PCDHGA4: variants seen among roughly 807,000 people sequenced by gnomAD.
PCDHGA4 encodes the protein protocadherin gamma subfamily A, 4.
PCDHGA4 carries 38 observed loss-of-function variants against 54.6 expected under a neutral mutation model. That is an observed-to-expected ratio of 0.70 (90% confidence interval 0.54 to 0.91). The LOEUF (loss-of-function observed/expected upper bound fraction) is 0.91, where lower values mean the gene tolerates loss of function less well. PCDHGA4 is among the 40% of genes least tolerant of loss of function. The pLI is 0.00. For synonymous variants in PCDHGA4, 511 were observed against 512.9 expected (o/e 1.00, Z 0.05); for missense variants, 1,298 against 1,220.9 (o/e 1.06, Z -0.94).
intron 1 of PCDHGA4, chr5:141,427,247 T>C (rs1409945260): frequency 2.2e-6 from 1 of 456,582 alleles, no homozygotes; most frequent in Non-Finnish European, 4.4e-6. Context: ...AAGCTAAGGA[T>C]GGTGGAGGCA....
In PCDHGA4 at chr5:141,356,461, A is replaced by G; in HGVS notation, c.1354A>G (p.Thr452Ala). 1.2e-6 allele frequency: 2 copies of G among 1,613,614 alleles called. No individual in the cohort carries two copies. Among genetic ancestry groups the G allele is most frequent in the Non-Finnish European group, 1.7e-6 (2 of 1,179,694 alleles). ...GGAAGAAGTCTCAGAATATAACATC[A>G]CTGTAACTGCCACTGACCAGGGAAC... The part of the protein sequence containing the change: ...DREEVSEYNI[T>A]VTATDQGTPP... The change falls in exon 1 of 4, where the codon ACT becomes GCT. Residue 452 changes from threonine (T) to alanine (A), a missense_variant. Coordinates refer to ENST00000571252, the MANE Select transcript of PCDHGA4 (RefSeq NM_018917.4).
At position 141,419,294 on chromosome 5, in the gene PCDHGA4, C is replaced by T. The variant is rs770303087; in HGVS notation, c.2514+61673C>T. ...CATAGCGCAAGTCAGTGCCTCTGAC[C>T]CAGACTTCGGGCTCAACGGCCGTGT... On this transcript the variant is annotated intron_variant, in intron 1 of 3. Transcript: ENST00000571252. The T allele has an allele frequency of 1.9e-6, 3 of 1,614,036 alleles. No homozygotes were observed. Among genetic ancestry groups the T allele is most frequent in the East Asian group, 2.2e-5 (1 of 44,886 alleles).
intron 1 of PCDHGA4, among the ~76,000 whole-genome samples, chr5:141,456,287 C>T (rs951430060): frequency 1.3e-5 from 2 of 152,048 alleles, no homozygotes; most frequent in Non-Finnish European, 2.9e-5. Flanking sequence ...TGAAAAGGGG[C>T]GTCTAATGGA....
chr5:141,492,942 G>A (rs897160295), intron 1 of PCDHGA4, among the ~76,000 whole-genome samples: 3 of 152,220 alleles, frequency 2.0e-5, no homozygotes, highest in African/African-American at 7.2e-5. Context: ...GAGATTTGGA[G>A]GTGACCAAAC....
Position 141,491,900 on chromosome 5 carries a change from G to T in PCDHGA4, c.2515-2907G>T. The T allele has an allele frequency of 7.0e-7, 1 of 1,429,936 alleles. No homozygotes were observed. The highest frequency in any genetic ancestry group is 1.5e-5 in the South Asian group (1 of 67,072). 88.6% of individuals were successfully genotyped at this position (1,429,936 alleles called of 1,614,324 possible). A position where few individuals can be genotyped will look rare whatever the true frequency, so the allele number is the denominator to read the frequency against. ...TAAGGGATGGGGCTCCGAGCACCGG[G>T]GGTGGTGGCGACTGTGGGCGAGGGG... On this transcript the variant is annotated intron_variant, in intron 1 of 3. Transcript: ENST00000571252. This position sits in a 1 kb window ranked among gnomAD's most constrained non-coding sequence, Gnocchi z 6.9.
intron 1 of PCDHGA4, among the ~76,000 whole-genome samples, chr5:141,448,117 A>G (rs564444141): frequency 6.6e-6 from 1 of 152,094 alleles, no homozygotes; most frequent in Non-Finnish European, 1.5e-5. Flanking sequence ...AAAGAAAATT[A>G]GCCTCCCCCA....
In PCDHGA4 at chr5:141,361,046, A is replaced by T. The variant is rs779477758; in HGVS notation, c.2514+3425A>T. ...GAAAAAACAGGAGAAATCACGACAA[A>T]GGATGATTTGGATTTTGAGATTGCA... On this transcript the variant is annotated intron_variant, in intron 1 of 3. Transcript: ENST00000571252. The T allele has an allele frequency of 7.4e-6, 12 of 1,613,592 alleles. No individual in the cohort carries two copies. The highest frequency in any genetic ancestry group is 9.3e-6 in the Non-Finnish European group (11 of 1,179,716).
In PCDHGA4 at chr5:141,432,976, C is replaced by T; in HGVS notation, c.2515-61831C>T. 1 of 1,614,210 alleles carries T rather than the reference C, an allele frequency of 6.2e-7. No individual in the cohort carries two copies. On this transcript the variant is annotated intron_variant, in intron 1 of 3. Transcript: ENST00000571252. The surrounding 1 kb of genome is among the most constrained non-coding windows in gnomAD (Gnocchi z 6.0). Reference sequence around the variant, plus strand: ...GCTTGACAGGAGCGCCGGCGTCGCACTTTGTGGGCGTGGACGGGGTGCAGG... The same window carrying T: ...GCTTGACAGGAGCGCCGGCGTCGCATTTTGTGGGCGTGGACGGGGTGCAGG...
intron 1 of PCDHGA4, among the ~76,000 whole-genome samples, chr5:141,483,218 A>G (rs2099578440): frequency 6.6e-6 from 1 of 152,188 alleles, no homozygotes; most frequent in Admixed American, 6.5e-5. Flanking sequence ...GATGACAGTC[A>G]CTGCAGAAAT....
chr5:141,380,347 T>G (rs1408007452), intron 1 of PCDHGA4, among the ~76,000 whole-genome samples: 1 of 152,204 alleles, frequency 6.6e-6, no homozygotes, highest in Non-Finnish European at 1.5e-5. Context: ...AACTGTTTTG[T>G]TGTTTGTTTT....
Position 141,489,764 on chromosome 5 carries a change from A to G in PCDHGA4, c.2515-5043A>G. ...GTGAGCTTTTACACTCTAAGCCCCA[A>G]CAGCCACTTCTCTCTGAATGTGAAG... is the stretch of plus-strand genomic sequence containing the variant. On this transcript the variant is annotated intron_variant, in intron 1 of 3. Transcript: ENST00000571252. The surrounding 1 kb of genome is among the most constrained non-coding windows in gnomAD (Gnocchi z 4.5). 2 of 1,613,556 alleles carry G rather than the reference A, an allele frequency of 1.2e-6. No homozygotes were observed. The highest frequency in any genetic ancestry group is 1.7e-6 in the Non-Finnish European group (2 of 1,179,894).
intron 1 of PCDHGA4, chr5:141,371,023 T>A: frequency 6.2e-7 from 1 of 1,614,008 alleles, no homozygotes. Flanking sequence ...CATCACCACC[T>A]GGTCCTCACA....
At chr5:141,403,050 A>G in intron 1 of PCDHGA4, 2 of 1,614,060 alleles carry the variant, frequency 1.2e-6, no homozygotes, top group Non-Finnish European at 1.7e-6. Flanking sequence ...CAGATTCGCT[A>G]CTCAGTGCCT....
At chr5:141,433,853 A>G (rs934981508) in intron 1 of PCDHGA4, among the ~76,000 whole-genome samples, 1 of 152,026 alleles carries the variant, frequency 6.6e-6, no homozygotes, top group Non-Finnish European at 1.5e-5. Flanking sequence ...AAAAAAAAAA[A>G]AACTTTATCC....
In PCDHGA4 at chr5:141,366,583, G is replaced by C. The variant is rs369592022; in HGVS notation, c.2514+8962G>C. The C allele has an allele frequency of 3.1e-6, 5 of 1,614,138 alleles. No homozygotes were observed. In the African/African-American group the frequency reaches 5.3e-5, roughly 17 times the overall value. On this transcript the variant is annotated intron_variant, in intron 1 of 3. Coordinates refer to ENST00000571252, the MANE Select transcript of PCDHGA4 (RefSeq NM_018917.4). The stretch of plus-strand genomic sequence containing the variant: ...TGGATGGGGTTCGGGCTTTCCTGCA[G>C]ACCTATTCCCACGAGGTCTCCCTCA...
chr5:141,487,143 C>T lies in PCDHGA4; in HGVS notation c.2515-7664C>T. Reference sequence around the variant, plus strand: ...GATAGTGGTAGTCCACCACTCTCTACCTCTGTTACTCTCTTAGTGTCCTTA... The same window carrying T: ...GATAGTGGTAGTCCACCACTCTCTATCTCTGTTACTCTCTTAGTGTCCTTA... On this transcript the variant is annotated intron_variant, in intron 1 of 3. Coordinates refer to ENST00000571252, the MANE Select transcript of PCDHGA4 (RefSeq NM_018917.4). This position sits in a 1 kb window ranked among gnomAD's most constrained non-coding sequence, Gnocchi z 5.0. 1.2e-6 allele frequency: 2 copies of T among 1,614,028 alleles called. No homozygotes were observed. Among genetic ancestry groups the T allele is most frequent in the Non-Finnish European group, 1.7e-6 (2 of 1,179,862 alleles).
At chr5:141,368,053 G>T (rs903322143) in intron 1 of PCDHGA4, among the ~76,000 whole-genome samples, 8 of 152,166 alleles carry the variant, frequency 5.3e-5, no homozygotes, top group Non-Finnish European at 1.2e-4. Flanking sequence ...TGTAATGAAA[G>T]AACTACTATA....
intron 1 of PCDHGA4, chr5:141,410,112 C>T (rs775292594): frequency 1.9e-6 from 3 of 1,612,566 alleles, no homozygotes; most frequent in East Asian, 4.5e-5. Context: ...GACAGGGACG[C>T]AGCCCGCCAG....
chr5:141,388,254 G>A, intron 1 of PCDHGA4: 2 of 1,568,962 alleles, frequency 1.3e-6, no homozygotes, highest in South Asian at 1.1e-5. Context: ...TGTGGAGATC[G>A]AGGACATTAA....
Sources: gnomAD v4.1 joint callset for allele counts (sites outside exome capture counted in the v4.1 genomes callset) on GRCh38, gnomAD v4.1.1 for gene constraint, Gnocchi (gnomAD v3.1) non-coding constraint, MANE v1.5 for transcripts, NCBI Gene and HGNC (gene_info 2026-07-23, HGNC 2026-07-21) for gene names.